PHTF2: variants seen among roughly 807,000 people sequenced by gnomAD.
PHTF2 encodes protein PHTF2.
In PHTF2, 60 loss-of-function variants were observed where a neutral mutation model predicts 101.2. That is an observed-to-expected ratio of 0.59 (90% confidence interval 0.48 to 0.73). The LOEUF (loss-of-function observed/expected upper bound fraction) is 0.73, where lower values mean the gene tolerates loss of function less well. Among genes scored for constraint, PHTF2 ranks in the 30% least tolerant of loss-of-function variants. The pLI is 0.00. For missense variants in PHTF2, 747 were observed against 908.7 expected (o/e 0.82, Z 2.29); for synonymous variants, 311 against 307.3 (o/e 1.01, Z -0.13).
intron 1 of PHTF2, among the ~76,000 whole-genome samples, chr7:77,827,592 TC>T (rs1408648373): frequency 6.6e-6 from 1 of 152,112 alleles, no homozygotes; most frequent in Non-Finnish European, 1.5e-5. Context: ...GACTTCATGA[TC>T]TACCTGCCTT....
intron 11 of PHTF2, chr7:77,923,688 C>T: frequency 2.0e-6 from 2 of 985,284 alleles, no homozygotes; most frequent in Non-Finnish European, 2.4e-6. Context: ...TGTTCCTAAG[C>T]CAGATAACCA....
chr7:77,883,791 G>A (rs1248662011), intron 3 of PHTF2, among the ~76,000 whole-genome samples: 1 of 152,022 alleles, frequency 6.6e-6, no homozygotes. Flanking sequence ...TGAATCTTTT[G>A]TCTCTCTGTA....
At chr7:77,916,113 A>G (rs1422313729) in intron 9 of PHTF2, among the ~76,000 whole-genome samples, 7 of 152,214 alleles carry the variant, frequency 4.6e-5, no homozygotes. Flanking sequence ...ATTTCAGTAT[A>G]TATGTTTATT....
chr7:77,906,370 C>G (rs1305543694), intron 7 of PHTF2: 2 of 152,120 alleles, frequency 1.3e-5, no homozygotes, highest in African/African-American at 4.8e-5. Context: ...GCTACTGTCT[C>G]AGGAACTGAG....
At chr7:77,807,965 A>G (rs1793126749) in intron 1 of PHTF2, among the ~76,000 whole-genome samples, 1 of 152,032 alleles carries the variant, frequency 6.6e-6, no homozygotes, top group South Asian at 2.1e-4. Flanking sequence ...TTTCCTGTTG[A>G]GTGGTCTTGG....
At chr7:77,898,906 C>T (rs920630634) in intron 5 of PHTF2, among the ~76,000 whole-genome samples, 3 of 152,100 alleles carry the variant, frequency 2.0e-5, no homozygotes, top group Non-Finnish European at 4.4e-5. Context: ...TCAAACAGTT[C>T]TCCTTGCTTC....
chr7:77,876,969 G>A (rs1798996827), intron 3 of PHTF2, among the ~76,000 whole-genome samples: 1 of 152,086 alleles, frequency 6.6e-6, no homozygotes, highest in African/African-American at 2.4e-5. Context: ...GGCTCTAAAA[G>A]CTTTAACACT....
chr7:77,937,835 C>T (rs1805282302), exon 13 of PHTF2: 1 of 1,495,236 alleles, frequency 6.7e-7, no homozygotes, highest in Non-Finnish European at 9.0e-7. Flanking sequence ...TGATAATGAA[C>T]AGAGTGAGTT....
At chr7:77,897,638 T>C (rs997545210) in intron 5 of PHTF2, among the ~76,000 whole-genome samples, 12 of 152,258 alleles carry the variant, frequency 7.9e-5, no homozygotes, top group African/African-American at 2.2e-4. Context: ...CCCAAGCCAA[T>C]TGAAAATTTT....
intron 1 of PHTF2, among the ~76,000 whole-genome samples, chr7:77,814,802 C>A (rs897271569): frequency 6.6e-6 from 1 of 151,968 alleles, no homozygotes; most frequent in Admixed American, 6.6e-5. Flanking sequence ...AGGCCGGGTG[C>A]GGTGGCTTAG....
intron 1 of PHTF2, among the ~76,000 whole-genome samples, chr7:77,804,780 A>G (rs767243573): frequency 6.6e-6 from 1 of 152,228 alleles, no homozygotes; most frequent in Non-Finnish European, 1.5e-5. Context: ...ACCCACAATT[A>G]AGAAAAAACA....
Position 77,946,868 on chromosome 7 carries a change from T to TCA in PHTF2, c.1960-2809_1960-2808insAC, listed in dbSNP as rs1806088777. Reference sequence around the variant, plus strand: ...CAGGGACAGTGACTCATGGTTATAATCTTAGCACTTTGGAAGGCCAAGGTG... The same window carrying TCA: ...CAGGGACAGTGACTCATGGTTATAATCACTTAGCACTTTGGAAGGCCAAGGTG... On this transcript the variant is annotated intron_variant, in intron 16 of 19. Transcript: ENST00000416283. Among the ~76,000 whole-genome samples the TCA allele has an allele frequency of 4.1e-4, 63 of 151,818 alleles. 1 individual carries two copies. Among genetic ancestry groups the TCA allele is most frequent in the Admixed American group, 4.1e-3 (63 of 15,226 alleles).
intron 12 of PHTF2, among the ~76,000 whole-genome samples, chr7:77,932,621 A>AGTGTGTGTGTGTGTGTGTGT (rs56005414): frequency 6.8e-5 from 8 of 118,476 alleles, no homozygotes; most frequent in Non-Finnish European, 1.4e-4. Flanking sequence ...AGAGAGAGAG[A>AGTGTGTGTGTGTGTGTGTGT]GTGTGTGTGT....
chr7:77,808,723 A>G (rs1793182126), intron 1 of PHTF2, among the ~76,000 whole-genome samples: 1 of 152,166 alleles, frequency 6.6e-6, no homozygotes, highest in Non-Finnish European at 1.5e-5. Flanking sequence ...CAATACTCAA[A>G]TCTGGCTTCT....
chr7:77,886,779 C>T (rs1799888635), intron 3 of PHTF2, among the ~76,000 whole-genome samples: 1 of 152,100 alleles, frequency 6.6e-6, no homozygotes, highest in Non-Finnish European at 1.5e-5. Flanking sequence ...CGCAGTGGCT[C>T]ACACCCGTAA....
chr7:77,805,126 T>C (rs1792872848), intron 1 of PHTF2, among the ~76,000 whole-genome samples: 1 of 152,224 alleles, frequency 6.6e-6, no homozygotes, highest in Non-Finnish European at 1.5e-5. Flanking sequence ...AGTTTATTTC[T>C]TCTTGAATTA....
intron 5 of PHTF2, among the ~76,000 whole-genome samples, chr7:77,899,032 C>G (rs1302267561): frequency 6.6e-6 from 1 of 152,084 alleles, no homozygotes; most frequent in African/African-American, 2.4e-5. Flanking sequence ...AAACTCCTGG[C>G]CTCAAGTGAT....
intron 2 of PHTF2, among the ~76,000 whole-genome samples, chr7:77,850,385 A>G (rs1223019914): frequency 2.9e-5 from 4 of 138,958 alleles, no homozygotes; most frequent in Non-Finnish European, 6.2e-5. Flanking sequence ...AAAAAAAAAA[A>G]GGCACGATGG....
intron 19 of PHTF2, among the ~76,000 whole-genome samples, chr7:77,954,448 T>G (rs1806806114): frequency 6.6e-6 from 1 of 152,070 alleles, no homozygotes; most frequent in Non-Finnish European, 1.5e-5. Context: ...GTATTTATTT[T>G]TACTAATAAA....
Sources: allele counts gnomAD v4.1 joint callset (sites outside exome capture counted in the v4.1 genomes callset), GRCh38; gene constraint gnomAD v4.1.1; transcripts MANE v1.5; gene names NCBI Gene and HGNC (gene_info 2026-07-23, HGNC 2026-07-21).